POFUT3: variants seen among roughly 807,000 people sequenced by gnomAD.
POFUT3 encodes the protein GDP-fucose protein O-fucosyltransferase 3.
chr8:33,342,871 C>T, the POFUT3 span, among the ~76,000 whole-genome samples: 1 of 152,088 alleles, frequency 6.6e-6, no homozygotes, highest in Non-Finnish European at 1.5e-5. Context: ...TTTGGGATGC[C>T]GAGGCGGGCA....
chr8:33,379,864 T>TATATAA, the POFUT3 span, among the ~76,000 whole-genome samples: 1 of 124,062 alleles, frequency 8.1e-6, no homozygotes, highest in African/African-American at 3.2e-5. Flanking sequence ...TATATATATA[T>TATATAA]AATATATATA....
the POFUT3 span, chr8:33,472,921 G>A: frequency 6.6e-6 from 1 of 152,270 alleles, no homozygotes; most frequent in Non-Finnish European, 1.5e-5. Flanking sequence ...GTACAGAGAG[G>A]GAGTTTCCTT....
At chr8:33,393,012 C>A in the POFUT3 span, among the ~76,000 whole-genome samples, 1 of 151,988 alleles carries the variant, frequency 6.6e-6, no homozygotes, top group Non-Finnish European at 1.5e-5. Context: ...AAAAAAAGAA[C>A]CATGACCAAC....
At chr8:33,338,202 A>AG in the POFUT3 span, among the ~76,000 whole-genome samples, 2 of 152,202 alleles carry the variant, frequency 1.3e-5, no homozygotes, top group Non-Finnish European at 2.9e-5. Context: ...TGTGAATCGC[A>AG]GTGGTGGGAC....
chr8:33,318,624 TATATAATATATAAATATATTG>T, the POFUT3 span, among the ~76,000 whole-genome samples: 22 of 89,990 alleles, frequency 2.4e-4, no homozygotes, highest in African/African-American at 8.7e-4. Context: ...TATATATATT[TATATAATATATAAATATATTG>T]TATATATATT....
chr8:33,463,601 G>A, the POFUT3 span, among the ~76,000 whole-genome samples: 26 of 152,076 alleles, frequency 1.7e-4, no homozygotes, highest in African/African-American at 5.3e-4. Flanking sequence ...CTGAAGTGCA[G>A]TAGTGTGATC....
At chr8:33,318,468 A>C in the POFUT3 span, among the ~76,000 whole-genome samples, 1 of 134,214 alleles carries the variant, frequency 7.5e-6, no homozygotes, top group Non-Finnish European at 1.5e-5. Context: ...GAATTCTATT[A>C]TATTATTATA....
the POFUT3 span, among the ~76,000 whole-genome samples, chr8:33,337,853 T>G: frequency 6.6e-6 from 1 of 152,234 alleles, no homozygotes; most frequent in Non-Finnish European, 1.5e-5. Context: ...TTCTAGAGGC[T>G]GGAAGTCCAA....
the POFUT3 span, among the ~76,000 whole-genome samples, chr8:33,315,306 G>A: frequency 1.3e-5 from 2 of 152,060 alleles, no homozygotes; most frequent in Non-Finnish European, 2.9e-5. Flanking sequence ...CCCTTAACAA[G>A]GCTATAAGCA....
the POFUT3 span, among the ~76,000 whole-genome samples, chr8:33,414,102 CA>C: frequency 6.6e-6 from 1 of 152,066 alleles, no homozygotes; most frequent in African/African-American, 2.4e-5. Flanking sequence ...AAAAGAAATA[CA>C]ATTGTCTTAA....
chr8:33,324,549 C>T, the POFUT3 span, among the ~76,000 whole-genome samples: 1 of 152,008 alleles, frequency 6.6e-6, no homozygotes, highest in African/African-American at 2.4e-5. Flanking sequence ...AAATATAAAA[C>T]CAAATTTGTT....
the POFUT3 span, among the ~76,000 whole-genome samples, chr8:33,348,849 GA>G: frequency 1.3e-5 from 2 of 152,194 alleles, no homozygotes; most frequent in African/African-American, 4.8e-5. Flanking sequence ...GTGAGCCTAG[GA>G]ATTCAGACAA....
the POFUT3 span, chr8:33,472,942 T>C: frequency 1.3e-5 from 2 of 152,382 alleles, no homozygotes; most frequent in Admixed American, 6.5e-5. Context: ...AGGCTGTGAC[T>C]CCCGGAGGTA....
At chr8:33,430,306 A>T in the POFUT3 span, among the ~76,000 whole-genome samples, 1 of 152,138 alleles carries the variant, frequency 6.6e-6, no homozygotes, top group Non-Finnish European at 1.5e-5. Flanking sequence ...AACTCCTCTC[A>T]ATCTTTTGGT....
chr8:33,410,434 G>A, the POFUT3 span, among the ~76,000 whole-genome samples: 3 of 152,246 alleles, frequency 2.0e-5, no homozygotes, highest in South Asian at 4.1e-4. Flanking sequence ...GGGCAGCCCC[G>A]AGATAGGAGT....
the POFUT3 span, among the ~76,000 whole-genome samples, chr8:33,355,852 T>C: frequency 6.6e-6 from 1 of 152,208 alleles, no homozygotes; most frequent in South Asian, 2.1e-4. Context: ...CCCCAGAGTG[T>C]GATGTTCCCC....
chr8:33,442,853 G>A, the POFUT3 span, among the ~76,000 whole-genome samples: 7 of 152,262 alleles, frequency 4.6e-5, no homozygotes, highest in South Asian at 4.1e-4. Flanking sequence ...AGCTAAAAAT[G>A]TAAGTTCATA....
At chr8:33,378,306 G>A in the POFUT3 span, among the ~76,000 whole-genome samples, 1 of 152,118 alleles carries the variant, frequency 6.6e-6, no homozygotes, top group Admixed American at 6.5e-5. Flanking sequence ...CAGATCCAAG[G>A]GAAAAATCTA....
chr8:33,439,699 C>G, the POFUT3 span, among the ~76,000 whole-genome samples: 1 of 151,868 alleles, frequency 6.6e-6, no homozygotes, highest in Non-Finnish European at 1.5e-5. Flanking sequence ...AACTCCGTCT[C>G]TACTAAAAAT....
Sources: allele counts gnomAD v4.1 joint callset (sites outside exome capture counted in the v4.1 genomes callset), GRCh38; gene constraint gnomAD v4.1.1; transcripts MANE v1.5; gene names NCBI Gene and HGNC (gene_info 2026-07-23, HGNC 2026-07-21).